The following MTUS2 variants were observed in gnomAD, a reference collection of about 807,000 sequenced individuals.
MTUS2 encodes microtubule-associated tumor suppressor candidate 2.
A neutral mutation model predicts 114.1 loss-of-function variants in MTUS2; 40 were observed. The ratio of observed to expected loss-of-function variants is 0.35; its 90% CI spans 0.27 to 0.46. MTUS2 has a LOEUF of 0.46. Ranked by LOEUF, MTUS2 falls within the 20% of genes least tolerant of loss-of-function variation. The pLI is 1.00. For missense variants in MTUS2, 1,679 were observed against 1,705.4 expected (o/e 0.98, Z 0.27); for synonymous variants, 688 against 672.0 (o/e 1.02, Z -0.37).
chr13:29,500,251 T>C (rs1350143002), intron 14 of MTUS2, among the ~76,000 whole-genome samples: 1 of 152,242 alleles, frequency 6.6e-6, no homozygotes, highest in East Asian at 1.9e-4. Flanking sequence ...GGGTGAGGTG[T>C]CTTGCTAAAG....
rs375551114 is a variant in MTUS2, at chr13:29,243,625, TTGAGAATACTTACACAC to T, written c.2645-38077_2645-38061del. On this transcript the variant is annotated intron_variant, in intron 5 of 15. Transcript: ENST00000612955. ...AGATTTTCTTTTCAATATGACAGAT[TTGAGAATACTTACACAC>T]TTGGGGTAGGGAGCCCAGAAAGGAG... is the stretch of plus-strand genomic sequence containing the variant. 6.3e-3 allele frequency among the ~76,000 whole-genome samples: 967 copies of T among 152,294 alleles called. 8 individuals are homozygous for T. Among genetic ancestry groups the T allele is most frequent in the African/African-American group, 0.02 (846 of 41,566 alleles).
intron 7 of MTUS2, among the ~76,000 whole-genome samples, chr13:29,356,863 C>T (rs968412637): frequency 6.6e-6 from 1 of 152,160 alleles, no homozygotes; most frequent in African/African-American, 2.4e-5. Flanking sequence ...TTGAGTGCCA[C>T]CAGTCCTGAA....
intron 2 of MTUS2, among the ~76,000 whole-genome samples, chr13:28,954,740 TGA>T (rs1477998750): frequency 6.6e-6 from 1 of 151,960 alleles, no homozygotes; most frequent in East Asian, 1.9e-4. Context: ...AGTGGATATG[TGA>T]GGAGAGAGGG....
intron 5 of MTUS2, among the ~76,000 whole-genome samples, chr13:29,153,437 T>C (rs1226581646): frequency 4.6e-5 from 7 of 152,200 alleles, no homozygotes; most frequent in African/African-American, 1.7e-4. Context: ...TGCCTGTTTC[T>C]CAGCATCCCT....
At chr13:29,239,775 A>C (rs1235602747) in intron 5 of MTUS2, 2 of 152,028 alleles carry the variant, frequency 1.3e-5, no homozygotes, top group African/African-American at 4.8e-5. Flanking sequence ...TTTTATCCTT[A>C]CTGTCTCCTG....
intron 8 of MTUS2, among the ~76,000 whole-genome samples, chr13:29,362,574 C>G (rs1418483314): frequency 6.6e-6 from 1 of 152,056 alleles, no homozygotes; most frequent in Admixed American, 6.5e-5. Flanking sequence ...GTGATCCCAA[C>G]TACTTGGGAG....
At chr13:28,999,239 G>T (rs143791762) in intron 2 of MTUS2, among the ~76,000 whole-genome samples, 2 of 152,192 alleles carry the variant, frequency 1.3e-5, no homozygotes, top group African/African-American at 2.4e-5. Context: ...CTGCCTGATC[G>T]TTCCTCTGGA....
chr13:29,010,706 A>G lies in MTUS2; in HGVS notation c.-242-13751A>G, dbSNP rs147366351. 6.7e-3 allele frequency among the ~76,000 whole-genome samples: 1,018 copies of G among 152,122 alleles called. 10 individuals carry two copies. Among genetic ancestry groups the G allele is most frequent in the African/African-American group, 0.024 (976 of 41,498 alleles). The stretch of plus-strand genomic sequence containing the variant: ...CCTGTCGACATCAGTGAGTGCTCCC[A>G]TTGAGAGCTGAAAACTGTGTTGATC... On this transcript the variant is annotated intron_variant, in intron 2 of 15. Transcript: ENST00000612955.
chr13:29,044,729 C>A (rs1032615123), intron 4 of MTUS2, among the ~76,000 whole-genome samples: 5 of 152,204 alleles, frequency 3.3e-5, no homozygotes, highest in African/African-American at 1.2e-4. Flanking sequence ...TACTAACTCA[C>A]AATTCTGTGT....
chr13:29,416,442 ACATATATATAG>A (rs1008603059), intron 8 of MTUS2, among the ~76,000 whole-genome samples: 2 of 151,006 alleles, frequency 1.3e-5, no homozygotes, highest in African/African-American at 4.9e-5. Context: ...TATATGTAGC[ACATATATATAG>A]CATATATATA....
chr13:29,251,041 T>G (rs2139430156), intron 5 of MTUS2, among the ~76,000 whole-genome samples: 1 of 152,318 alleles, frequency 6.6e-6, no homozygotes, highest in East Asian at 1.9e-4. Context: ...AAATGCTCCC[T>G]CTTTTCATTG....
chr13:28,907,500 G>A (rs1880109797), intron 2 of MTUS2, among the ~76,000 whole-genome samples: 1 of 151,426 alleles, frequency 6.6e-6, no homozygotes, highest in African/African-American at 2.4e-5. Flanking sequence ...GCTGTATTCA[G>A]GAAACCCATC....
chr13:29,028,527 G>C (rs376872329), intron 3 of MTUS2, among the ~76,000 whole-genome samples: 1 of 151,612 alleles, frequency 6.6e-6, no homozygotes, highest in East Asian at 2.0e-4. Flanking sequence ...TCACTCTGCT[G>C]CTTCAGGACC....
intron 2 of MTUS2, among the ~76,000 whole-genome samples, chr13:28,969,111 G>T (rs1883734519): frequency 6.6e-6 from 1 of 152,052 alleles, no homozygotes; most frequent in South Asian, 2.1e-4. Flanking sequence ...GCATGATCAT[G>T]TCACACTGCA....
At chr13:29,257,955 C>T (rs925053223) in intron 5 of MTUS2, among the ~76,000 whole-genome samples, 2 of 152,224 alleles carry the variant, frequency 1.3e-5, no homozygotes, top group East Asian at 3.8e-4. Context: ...TCTTGTCCCT[C>T]TCCTGCAGGT....
Position 28,997,884 on chromosome 13 carries a change from A to G in MTUS2, c.-242-26573A>G, listed in dbSNP as rs545245313. Among the ~76,000 whole-genome samples, 11 of 152,280 alleles carry G rather than the reference A, an allele frequency of 7.2e-5. No homozygotes were observed. The South Asian group carries it at 2.3e-3, about 32-fold the overall frequency. On this transcript the variant is annotated intron_variant, in intron 2 of 15. Transcript: ENST00000612955. ...GCCTTTTAATTGGAGCATTTTGCCC[A>G]TTTACATTTAAGGTTAGTATTGTTA...
At chr13:29,218,783 A>C (rs1194927872) in intron 5 of MTUS2, among the ~76,000 whole-genome samples, 1 of 152,180 alleles carries the variant, frequency 6.6e-6, no homozygotes. Context: ...AGTGGACTTA[A>C]AATATATAGT....
At chr13:28,902,979 A>T (rs565335473) in intron 2 of MTUS2, among the ~76,000 whole-genome samples, 2 of 152,232 alleles carry the variant, frequency 1.3e-5, no homozygotes, top group African/African-American at 4.8e-5. Context: ...TTTTTACCTG[A>T]TGAATTAAAC....
At chr13:29,428,699 GAAAT>G in intron 8 of MTUS2, 1 of 1,384,930 alleles carries the variant, frequency 7.2e-7, no homozygotes, top group Non-Finnish European at 9.5e-7. Context: ...AAGTTTAGGA[GAAAT>G]AAGGTAGCCA....
Sources: allele counts gnomAD v4.1 joint callset (sites outside exome capture counted in the v4.1 genomes callset), GRCh38; gene constraint gnomAD v4.1.1; transcripts MANE v1.5; gene names NCBI Gene and HGNC (gene_info 2026-07-23, HGNC 2026-07-21).